Variants in PMS1 observed in about 807,000 individuals in gnomAD.
PMS1 encodes PMS1 homolog 1, mismatch repair system component, also known as PMS1 protein homolog 1.
Under a neutral mutation model 93.1 loss-of-function variants are expected in PMS1, and 79 were observed. The observed-to-expected ratio is 0.85, with a 90% CI of 0.71 to 1.02. The LOEUF is 1.02. Among genes scored for constraint, PMS1 ranks in the 50% least tolerant of loss-of-function variants. The probability of loss-of-function intolerance (pLI) is 0.00; values close to 1 mark genes in which losing one functional copy is unlikely to be tolerated. For missense variants in PMS1, 1,064 were observed against 1,085.3 expected, an observed-to-expected ratio of 0.98 and a Z score of 0.28; for synonymous variants, 335 against 363.4, an observed-to-expected ratio of 0.92 and a Z score of 0.89.
In PMS1 at chr2:189,863,844, A is replaced by G. The variant is rs2106508863; in HGVS notation, c.1958A>G (p.Lys653Arg). The stretch of plus-strand genomic sequence containing the variant: ...ATGTCACTAAAAGATGGCAGAAAAA[A>G]GATAAAACCCACCAGCGCATGGAAT... ...SQMSLKDGRK[K>R]IKPTSAWNLA... The change falls in exon 10 of 13, where the codon AAG becomes AGG. Residue 653 changes from lysine to arginine, a missense_variant. Lys to Arg is a conservative substitution (Grantham distance 26, BLOSUM62 2). Coordinates refer to ENST00000441310, the MANE Select transcript of PMS1 (RefSeq NM_000534.5). The G allele has an allele frequency of 1.2e-6, 2 of 1,614,152 alleles. No homozygotes were observed. The highest frequency in any genetic ancestry group is 1.7e-6 in the Non-Finnish European group (2 of 1,179,994).
intron 6 of PMS1, among the ~76,000 whole-genome samples, chr2:189,844,643 C>CAAAAAAAAA (rs752620656): frequency 1.6e-5 from 1 of 62,528 alleles, no homozygotes; most frequent in African/African-American, 4.7e-5. Context: ...GATTCCATCT[C>CAAAAAAAAA]AAAAAAAAAA....
chr2:189,851,471 A>AT (rs2054714854), intron 6 of PMS1, among the ~76,000 whole-genome samples: 2 of 152,298 alleles, frequency 1.3e-5, no homozygotes, highest in South Asian at 4.1e-4. Context: ...AAGTAGTATC[A>AT]TTTTATAATG....
chr2:189,850,035 G>A (rs2054575188), intron 6 of PMS1, among the ~76,000 whole-genome samples: 1 of 151,958 alleles, frequency 6.6e-6, no homozygotes, highest in Non-Finnish European at 1.5e-5. Flanking sequence ...GACCACATAG[G>A]ACATTTGACC....
rs1442319604 is a variant in PMS1 at position 189,792,047 on chromosome 2, A to T, written c.132+106A>T. On this transcript the variant is annotated intron_variant, in intron 2 of 12. Coordinates refer to ENST00000441310, the MANE Select transcript of PMS1 (RefSeq NM_000534.5). ...TTATTTTATTTCTTTACACCAATAA[A>T]TTATTCTTAGGACATTGGACCCTTT... The T allele has an allele frequency of 4.0e-6, 4 of 995,200 alleles. No homozygotes were observed. The East Asian group carries it at 1.0e-4, about 26-fold the overall frequency. The allele number at this position is 995,200 out of a possible 1,614,324, so 61.6% of individuals were successfully genotyped here.
chr2:189,792,266 C>T (rs2048933316), intron 2 of PMS1, among the ~76,000 whole-genome samples: 1 of 152,062 alleles, frequency 6.6e-6, no homozygotes, highest in Non-Finnish European at 1.5e-5. Context: ...TTTTTTCCAT[C>T]TAATCTAATT....
intron 9 of PMS1, among the ~76,000 whole-genome samples, chr2:189,860,662 A>G (rs1490952881): frequency 6.6e-6 from 1 of 152,068 alleles, no homozygotes; most frequent in African/African-American, 2.4e-5. Context: ...AGCCCAGTAT[A>G]TGTTCTGTCT....
chr2:189,828,342 A>G (rs1331447140), intron 5 of PMS1, among the ~76,000 whole-genome samples: 1 of 152,218 alleles, frequency 6.6e-6, no homozygotes, highest in Non-Finnish European at 1.5e-5. Flanking sequence ...CAAAGAAATG[A>G]GAAATGTTTG....
chr2:189,810,271 C>A (rs994106820), intron 4 of PMS1, among the ~76,000 whole-genome samples: 1 of 152,100 alleles, frequency 6.6e-6, no homozygotes, highest in African/African-American at 2.4e-5. Flanking sequence ...TTGCTATCTG[C>A]GTAGCAATGA....
chr2:189,791,636 T>G lies in PMS1; in HGVS notation c.-20-154T>G, dbSNP rs6732054. ...TCTCCAAAAAAAAAAAAAGAAGAAATAGAAGACTTAATATTGTATGTGCTA... is the reference window on the plus strand; with the variant it reads ...TCTCCAAAAAAAAAAAAAGAAGAAAGAGAAGACTTAATATTGTATGTGCTA... On this transcript the variant is annotated intron_variant, in intron 1 of 12. Coordinates refer to ENST00000441310, the MANE Select transcript of PMS1 (RefSeq NM_000534.5). 5.7e-3 allele frequency: 3,243 copies of G among 569,308 alleles called. 68 individuals carry two copies. The highest frequency in any genetic ancestry group is 0.056 in the African/African-American group (2,954 of 52,398). The allele number at this position is 569,308 out of a possible 1,614,324, so 35.3% of individuals were successfully genotyped here.
At chr2:189,877,173 A>G in intron 12 of PMS1, 99 bp from the exon 13 acceptor site, 2 of 984,460 alleles carry the variant, frequency 2.0e-6, no homozygotes, top group Middle Eastern at 4.2e-4. Context: ...AATTCATAAA[A>G]TGAAAATAAT....
chr2:189,807,855 T>G (rs1168846084), intron 4 of PMS1, among the ~76,000 whole-genome samples: 2 of 152,230 alleles, frequency 1.3e-5, no homozygotes, highest in Admixed American at 6.5e-5. Context: ...GATCAGTAGT[T>G]GCAAAACTAC....
At chr2:189,805,129 T>C (rs1481155288) in intron 3 of PMS1, among the ~76,000 whole-genome samples, 1 of 152,052 alleles carries the variant, frequency 6.6e-6, no homozygotes, top group East Asian at 1.9e-4. Context: ...TTAGCCTTAA[T>C]GAGTTTAAAG....
At chr2:189,825,039 A>G (rs1228532978) in intron 5 of PMS1, among the ~76,000 whole-genome samples, 3 of 151,916 alleles carry the variant, frequency 2.0e-5, no homozygotes, top group Non-Finnish European at 4.4e-5. Flanking sequence ...TTTTTTCTGC[A>G]TTAGAGACAA....
chr2:189,803,105 A>T (rs562526511), intron 3 of PMS1, among the ~76,000 whole-genome samples: 1 of 151,814 alleles, frequency 6.6e-6, no homozygotes, highest in East Asian at 1.9e-4. Flanking sequence ...TTTCACCTGA[A>T]TCGTAAAGAC....
At chr2:189,867,175 C>A (rs1182921139) in intron 10 of PMS1, among the ~76,000 whole-genome samples, 1 of 152,156 alleles carries the variant, frequency 6.6e-6, no homozygotes, top group East Asian at 1.9e-4. Context: ...CCGACAGACA[C>A]CTTTTTGCAA....
chr2:189,869,842 A>C (rs1317511712), intron 11 of PMS1, among the ~76,000 whole-genome samples: 1 of 151,706 alleles, frequency 6.6e-6, no homozygotes, highest in African/African-American at 2.4e-5. Context: ...AAGATGTTAA[A>C]CTGCAGGTTG....
At chr2:189,797,207 G>A (rs1298802596) in intron 3 of PMS1, among the ~76,000 whole-genome samples, 1 of 152,098 alleles carries the variant, frequency 6.6e-6, no homozygotes, top group African/African-American at 2.4e-5. Flanking sequence ...GTGAGATTAC[G>A]CTCTAGAGAT....
At chr2:189,877,129 A>G (rs780960533) in intron 12 of PMS1, 143 bp from the exon 13 acceptor site, 36 of 703,320 alleles carry the variant, frequency 5.1e-5, no homozygotes, top group Non-Finnish European at 8.3e-5. Flanking sequence ...AGAGCTGACA[A>G]CATAGTTGAT....
intron 9 of PMS1, 63 bp from the exon 10 acceptor site, chr2:189,863,680 C>T (rs1007822974): frequency 2.4e-6 from 3 of 1,272,524 alleles, no homozygotes; most frequent in Non-Finnish European, 3.4e-6. Flanking sequence ...ATAAAATTTA[C>T]TTCAGATGGT....
Sources: gnomAD v4.1 joint callset for allele counts (sites outside exome capture counted in the v4.1 genomes callset) on GRCh38, gnomAD v4.1.1 for gene constraint, MANE v1.5 for transcripts, NCBI Gene and HGNC (gene_info 2026-07-23, HGNC 2026-07-21) for gene names.